NEMP2: variants seen among roughly 807,000 people sequenced by gnomAD.
NEMP2 encodes nuclear envelope integral membrane protein 2, also known as UPF0571 transmembrane protein.
NEMP2 carries 53 observed loss-of-function variants against 54.2 expected under a neutral mutation model. The observed-to-expected ratio is 0.98, with a 90% CI of 0.78 to 1.23. The LOEUF is 1.23. NEMP2 is among the 50% of genes most tolerant of loss of function. NEMP2 has a pLI of 0.00. For missense variants in NEMP2, 455 were observed against 511.3 expected (o/e 0.89, Z 1.06); for synonymous variants, 197 against 190.3 (o/e 1.04, Z -0.29).
chr2:190,512,673 T>A lies in NEMP2; in HGVS notation c.953+1780A>T, dbSNP rs1690409001. On this transcript the variant is annotated intron_variant, in intron 7 of 8. Transcript: ENST00000409150. The surrounding 1 kb of genome is among the most constrained non-coding windows in gnomAD (Gnocchi z 4.5). ...AGGAAGAAGGAACTCTATCCTGAGT[T>A]CCTCAGGCCACAAGCCTGGCAAAGG... 6.6e-6 allele frequency among the ~76,000 whole-genome samples: 1 copy of A among 152,172 alleles called. No individual in the cohort carries two copies. Among genetic ancestry groups the A allele is most frequent in the Non-Finnish European group, 1.5e-5 (1 of 68,022 alleles).
the NEMP2 span, among the ~76,000 whole-genome samples, chr2:190,639,120 C>A: frequency 6.6e-6 from 1 of 152,172 alleles, no homozygotes; most frequent in East Asian, 1.9e-4. Flanking sequence ...CAGATTAAAG[C>A]AGTTCAAGCC....
At chr2:190,550,079 C>T in the NEMP2 span, among the ~76,000 whole-genome samples, 2 of 152,198 alleles carry the variant, frequency 1.3e-5, no homozygotes, top group African/African-American at 2.4e-5. The surrounding 1 kb of genome is among the most constrained non-coding windows in gnomAD (Gnocchi z 4.7). Flanking sequence ...TACTACATTG[C>T]ATCTCTTTTC....
chr2:190,610,335 GC>G, the NEMP2 span: 1 of 152,186 alleles, frequency 6.6e-6, no homozygotes, highest in Non-Finnish European at 1.5e-5. The surrounding 1 kb of genome is among the most constrained non-coding windows in gnomAD (Gnocchi z 5.4). Flanking sequence ...CCTTTTTAAA[GC>G]CAAGCCCAGC....
the NEMP2 span, among the ~76,000 whole-genome samples, chr2:190,545,604 A>G: frequency 6.6e-6 from 1 of 152,226 alleles, no homozygotes; most frequent in Admixed American, 6.5e-5. Flanking sequence ...TTGATCATGC[A>G]CTTCAGAATA....
At chr2:190,462,738 C>T in the NEMP2 span, among the ~76,000 whole-genome samples, 1 of 152,170 alleles carries the variant, frequency 6.6e-6, no homozygotes, top group African/African-American at 2.4e-5. This position sits in a 1 kb window ranked among gnomAD's most constrained non-coding sequence, Gnocchi z 5.7. Flanking sequence ...CTCTCAAAAT[C>T]AGAGGTACCA....
At chr2:190,464,891 T>C in the NEMP2 span, 1 of 982,770 alleles carries the variant, frequency 1.0e-6, no homozygotes, top group Non-Finnish European at 1.2e-6. Context: ...TTCACTGTGG[T>C]TTTTAGTGGC....
the NEMP2 span, among the ~76,000 whole-genome samples, chr2:190,491,907 A>C: frequency 6.6e-6 from 1 of 152,210 alleles, no homozygotes; most frequent in Non-Finnish European, 1.5e-5. The surrounding 1 kb of genome is among the most constrained non-coding windows in gnomAD (Gnocchi z 4.2). Flanking sequence ...GAAATCAAAA[A>C]AATGATACAA....
At chr2:190,573,385 G>A in the NEMP2 span, among the ~76,000 whole-genome samples, 3 of 152,182 alleles carry the variant, frequency 2.0e-5, no homozygotes, top group Non-Finnish European at 4.4e-5. Context: ...GCTTTAGCCA[G>A]TGGAATGGAA....
the NEMP2 span, among the ~76,000 whole-genome samples, chr2:190,613,691 C>G: frequency 2.0e-5 from 3 of 152,232 alleles, no homozygotes; most frequent in African/African-American, 7.2e-5. Context: ...TGGGTTCAAG[C>G]AATTCTCCTA....
chr2:190,572,725 G>A, the NEMP2 span, among the ~76,000 whole-genome samples: 1 of 150,724 alleles, frequency 6.6e-6, no homozygotes. Context: ...TTGTAATGAT[G>A]TGTTGAGTGT....
the NEMP2 span, among the ~76,000 whole-genome samples, chr2:190,468,747 A>G: frequency 6.6e-6 from 1 of 151,736 alleles, no homozygotes. Context: ...GCATGAGTCA[A>G]TACACTCAGT....
chr2:190,473,912 C>T, the NEMP2 span, among the ~76,000 whole-genome samples: 7 of 152,286 alleles, frequency 4.6e-5, no homozygotes, highest in Admixed American at 3.9e-4. Context: ...TTAAGAAACT[C>T]ACTCAAAACT....
At chr2:190,449,586 T>C in the NEMP2 span, among the ~76,000 whole-genome samples, 2 of 152,172 alleles carry the variant, frequency 1.3e-5, no homozygotes, top group Admixed American at 1.3e-4. Context: ...TGCGGCACTA[T>C]TCACAATAGC....
chr2:190,495,390 G>C, the NEMP2 span, among the ~76,000 whole-genome samples: 1 of 152,174 alleles, frequency 6.6e-6, no homozygotes, highest in Non-Finnish European at 1.5e-5. This position sits in a 1 kb window ranked among gnomAD's most constrained non-coding sequence, Gnocchi z 4.7. Context: ...TCATGGATGG[G>C]TAGAATCAAT....
At chr2:190,561,569 C>T in the NEMP2 span, among the ~76,000 whole-genome samples, 1 of 152,004 alleles carries the variant, frequency 6.6e-6, no homozygotes, top group African/African-American at 2.4e-5. This position sits in a 1 kb window ranked among gnomAD's most constrained non-coding sequence, Gnocchi z 5.4. Flanking sequence ...CTCATTTTAC[C>T]TTAATTACCT....
chr2:190,539,669 C>T (rs1434878188), upstream of NEMP2, among the ~76,000 whole-genome samples: 1 of 151,928 alleles, frequency 6.6e-6, no homozygotes, highest in Non-Finnish European at 1.5e-5. The surrounding 1 kb of genome is among the most constrained non-coding windows in gnomAD (Gnocchi z 4.1). Context: ...ATTTTATACT[C>T]TTTGTAGCTA....
chr2:190,518,629 G>A, intron 4 of NEMP2, 107 bp downstream of exon 4: 1 of 932,882 alleles, frequency 1.1e-6, no homozygotes, highest in South Asian at 1.9e-5. Flanking sequence ...AAAACCTAAA[G>A]TAAGAACTAC....
chr2:190,592,157 T>C, the NEMP2 span, among the ~76,000 whole-genome samples: 1 of 152,176 alleles, frequency 6.6e-6, no homozygotes, highest in Non-Finnish European at 1.5e-5. This position sits in a 1 kb window ranked among gnomAD's most constrained non-coding sequence, Gnocchi z 4.4. Context: ...TGGAGACACA[T>C]AGCTCTGGGC....
chr2:190,631,333 A>C, the NEMP2 span, among the ~76,000 whole-genome samples: 1 of 152,148 alleles, frequency 6.6e-6, no homozygotes. Flanking sequence ...CTTTGCTACA[A>C]TCGTGTTGCA....
Sources: allele counts gnomAD v4.1 joint callset (sites outside exome capture counted in the v4.1 genomes callset), GRCh38; gene constraint gnomAD v4.1.1; non-coding constraint Gnocchi (gnomAD v3.1); transcripts MANE v1.5; gene names NCBI Gene and HGNC (gene_info 2026-07-23, HGNC 2026-07-21).